Variants in ZWILCH observed in about 807,000 individuals in gnomAD.
The protein encoded by ZWILCH is zwilch kinetochore protein.
In ZWILCH, 74 loss-of-function variants were observed where a neutral mutation model predicts 79.9. The ratio of observed to expected loss-of-function variants is 0.93; its 90% confidence interval spans 0.77 to 1.12. ZWILCH has a LOEUF of 1.12. Among genes scored for constraint, ZWILCH ranks in the 50% most tolerant of loss-of-function variants. ZWILCH has a pLI of 0.00. For missense variants in ZWILCH, 694 were observed against 687.5 expected (o/e 1.01, Z -0.11); for synonymous variants, 241 against 228.2 (o/e 1.06, Z -0.51).
chr15:66,541,258 T>G (rs11853240), intron 17 of ZWILCH, among the ~76,000 whole-genome samples: 2 of 151,882 alleles, frequency 1.3e-5, no homozygotes, highest in Non-Finnish European at 2.9e-5. Flanking sequence ...GCAGTCTAGC[T>G]TGGGCAACAG....
At chr15:66,521,242 G>A in intron 7 of ZWILCH, 37 bp downstream of exon 7, 1 of 1,599,802 alleles carries the variant, frequency 6.3e-7, no homozygotes, top group Non-Finnish European at 8.5e-7. Flanking sequence ...GGGTTCATGA[G>A]ACTCCTAAAT....
intron 7 of ZWILCH, among the ~76,000 whole-genome samples, chr15:66,523,075 G>A (rs1376840162): frequency 2.0e-5 from 3 of 152,136 alleles, no homozygotes; most frequent in Non-Finnish European, 2.9e-5. Flanking sequence ...CACTCACCTC[G>A]GCCTCCCAGA....
rs1192333140 is a variant in ZWILCH at position 66,540,172 on chromosome 15, A to C, written c.1649A>C (p.Asp550Ala). Residue 550 changes from aspartate to alanine, a missense_variant, in exon 17 of 19, where the codon GAC becomes GCC. Coordinates refer to ENST00000307897, the MANE Select transcript of ZWILCH (RefSeq NM_017975.5). ...KKIKTVWQLS[D>A]SSPIDHLNFH... ...ATTAAGACAGTTTGGCAACTGAGTG[A>C]CAGCTCACCCATAGACCATCTGAAT... is the stretch of plus-strand genomic sequence containing the variant. 6.2e-7 allele frequency: 1 copy of C among 1,613,728 alleles called. No individual in the cohort carries two copies. The highest frequency in any genetic ancestry group is 1.7e-5 in the Admixed American group (1 of 59,956).
Position 66,517,417 on chromosome 15 carries a change from C to CGTGTGTGTGTGTGT in ZWILCH, c.321-1461_321-1448dup, listed in dbSNP as rs141565295. 3.1e-3 allele frequency among the ~76,000 whole-genome samples: 249 copies of CGTGTGTGTGTGTGT among 80,648 alleles called. 2 individuals are homozygous for CGTGTGTGTGTGTGT. The highest frequency in any genetic ancestry group is 0.018 in the East Asian group (46 of 2,488). The allele number at this position is 80,648 out of a possible 152,430, so 52.9% of individuals were successfully genotyped here. ...CCTATAGATTTTGTGTTTGTGTGTGCGTGTGTGTGTGTGTATATATATATA... is the reference window on the plus strand; with the variant it reads ...CCTATAGATTTTGTGTTTGTGTGTGCGTGTGTGTGTGTGTGTGTGTGTGTGTGTATATATATATA... On this transcript the variant is annotated intron_variant, in intron 4 of 18. Coordinates refer to ENST00000307897, the MANE Select transcript of ZWILCH (RefSeq NM_017975.5).
chr15:66,537,967 G>T (rs1431401096), intron 16 of ZWILCH, among the ~76,000 whole-genome samples: 1 of 152,114 alleles, frequency 6.6e-6, no homozygotes, highest in Non-Finnish European at 1.5e-5. Context: ...TAGCCAGAAA[G>T]GAAATGATGG....
intron 7 of ZWILCH, among the ~76,000 whole-genome samples, chr15:66,522,354 G>T (rs1246625765): frequency 6.7e-6 from 1 of 149,440 alleles, no homozygotes; most frequent in Non-Finnish European, 1.5e-5. Flanking sequence ...TTTTTTCTGG[G>T]GCGGAGCCTC....
rs745376489 is a variant in ZWILCH, at chr15:66,529,609, G to A, written c.1155+36G>A. On this transcript the variant is annotated intron_variant, in intron 12 of 18. Coordinates refer to ENST00000307897, the MANE Select transcript of ZWILCH (RefSeq NM_017975.5). ...TAGTGTGTGTCAGATCATTTTCTCA[G>A]CAGCATAGCATGATGTAAAGACACA... The A allele has an allele frequency of 8.7e-6, 13 of 1,498,796 alleles. No individual in the cohort carries two copies. The South Asian group carries it at 1.1e-4, about 13-fold the overall frequency. 92.8% of individuals were successfully genotyped at this position (1,498,796 alleles called of 1,614,324 possible).
At chr15:66,506,537 C>T (rs1373427757) in intron 1 of ZWILCH, among the ~76,000 whole-genome samples, 3 of 152,070 alleles carry the variant, frequency 2.0e-5, no homozygotes, top group East Asian at 1.9e-4. Context: ...GGCATGGTGG[C>T]GGGCACCTGT....
chr15:66,516,070 C>G (rs1326236841), intron 4 of ZWILCH, among the ~76,000 whole-genome samples: 1 of 152,204 alleles, frequency 6.6e-6, no homozygotes, highest in Non-Finnish European at 1.5e-5. Flanking sequence ...TGGTCCTCCA[C>G]CAGGGGTGGT....
chr15:66,508,616 AATCTC>A, intron 1 of ZWILCH: 1 of 788,720 alleles, frequency 1.3e-6, no homozygotes, highest in Non-Finnish European at 1.8e-6. Context: ...ACAGTCTATT[AATCTC>A]TGTCACAGTT....
chr15:66,537,065 G>C, intron 15 of ZWILCH, 103 bp from the exon 16 acceptor site: 1 of 724,776 alleles, frequency 1.4e-6, no homozygotes, highest in Non-Finnish European at 2.3e-6. Flanking sequence ...GTTTTAGTTA[G>C]TAGTACTCAA....
chr15:66,505,469 C>A lies in ZWILCH; in HGVS notation c.53+78C>A, dbSNP rs1893776309. ...TGGGTGTCTGGATCCCCGCCCTAAGCCTCTTGCCACTCTGGGGATCAGCGC... is the reference window on the plus strand; with the variant it reads ...TGGGTGTCTGGATCCCCGCCCTAAGACTCTTGCCACTCTGGGGATCAGCGC... On this transcript the variant is annotated intron_variant, in intron 1 of 18. Transcript: ENST00000307897. 4 of 1,545,864 alleles carry A rather than the reference C, an allele frequency of 2.6e-6. No individual in the cohort carries two copies. In the South Asian group the frequency reaches 4.5e-5, roughly 17 times the overall value.
chr15:66,527,355 T>C lies in ZWILCH; in HGVS notation c.885T>C (p.Ala295=), dbSNP rs1894707722. The C allele has an allele frequency of 1.2e-6, 2 of 1,614,098 alleles. No homozygotes were observed. The highest frequency in any genetic ancestry group is 1.7e-6 in the Non-Finnish European group (2 of 1,179,942). ...EWLEPLEAKS[A]VELVQEFLND... The stretch of plus-strand genomic sequence containing the variant: ...TCGAGCCCCTGGAAGCAAAATCTGC[T>C]GTTGAACTTGTTCAGGAATTTCTGA... Residue 295 remains alanine, a synonymous_variant, in exon 9 of 19, where the codon GCT becomes GCC. Transcript: ENST00000307897.
chr15:66,519,133 T>A, intron 5 of ZWILCH, 55 bp downstream of exon 5: 1 of 1,556,438 alleles, frequency 6.4e-7, no homozygotes, highest in East Asian at 2.3e-5. Context: ...GTATAGTTAT[T>A]GTTTCATGTT....
Position 66,549,313 on chromosome 15 carries a change from G to C in ZWILCH, c.*989G>C, listed in dbSNP as rs1379440171. 2 of 152,086 alleles carry C rather than the reference G, an allele frequency of 1.3e-5. No homozygotes were observed. The highest frequency in any genetic ancestry group is 4.8e-5 in the African/African-American group (2 of 41,414). 9.4% of individuals were successfully genotyped at this position (152,086 alleles called of 1,614,324 possible). On this transcript the variant is annotated 3_prime_UTR_variant, in exon 19 of 19. Coordinates refer to ENST00000307897, the MANE Select transcript of ZWILCH (RefSeq NM_017975.5). ...TAGTATTGCCTGATTATTTAAATTT[G>C]TTGAGGGGGATTGCATGTTGCTTTA... is the stretch of plus-strand genomic sequence containing the variant.
chr15:66,530,823 A>G (rs2140786915), intron 12 of ZWILCH, among the ~76,000 whole-genome samples: 1 of 151,820 alleles, frequency 6.6e-6, no homozygotes, highest in East Asian at 1.9e-4. Context: ...ATGGGTGTGA[A>G]CAAGGTACAT....
rs147778062 is a variant in ZWILCH at position 66,530,632 on chromosome 15, G to A, written c.1155+1059G>A. Among the ~76,000 whole-genome samples the A allele has an allele frequency of 6.2e-4, 94 of 152,122 alleles. 1 individual carries two copies. The East Asian group carries it at 0.013, about 22-fold the overall frequency. ...AGCCTGGGCAACAGAGTAAGACTCC[G>A]TCTCATAAAAAACAAGTTTTTCCAA... On this transcript the variant is annotated intron_variant, in intron 12 of 18. Transcript: ENST00000307897.
rs140307928 is a variant in ZWILCH, at chr15:66,542,312, G to A, written c.1687+2102G>A. On this transcript the variant is annotated intron_variant, in intron 17 of 18. Coordinates refer to ENST00000307897, the MANE Select transcript of ZWILCH (RefSeq NM_017975.5). ...AAAAAAATACAAAAAAAGGCCGGGC[G>A]CGGGGGCTCACACCTGTAATCCCAG... 3.0e-3 allele frequency among the ~76,000 whole-genome samples: 455 copies of A among 151,532 alleles called. 1 individual carries two copies. Among genetic ancestry groups the A allele is most frequent in the African/African-American group, 0.011 (437 of 41,298 alleles).
At chr15:66,530,353 C>T (rs555673419) in intron 12 of ZWILCH, among the ~76,000 whole-genome samples, 12 of 152,180 alleles carry the variant, frequency 7.9e-5, no homozygotes, top group Middle Eastern at 6.8e-3. Flanking sequence ...TGACTTTTTC[C>T]AGTCAGGCGT....
Sources: gnomAD v4.1 joint callset for allele counts (sites outside exome capture counted in the v4.1 genomes callset) on GRCh38, gnomAD v4.1.1 for gene constraint, MANE v1.5 for transcripts, NCBI Gene and HGNC (gene_info 2026-07-23, HGNC 2026-07-21) for gene names.